ELK3: variants seen among roughly 807,000 people sequenced by gnomAD.
The protein encoded by ELK3 is ETS domain-containing protein Elk-3.
A neutral mutation model predicts 28.9 loss-of-function variants in ELK3; 10 were observed. The ratio of observed to expected loss-of-function variants is 0.35; its 90% CI spans 0.21 to 0.59. ELK3 has a LOEUF of 0.59. Among genes scored for constraint, ELK3 ranks in the 20% least tolerant of loss-of-function variants. The pLI, the probability that ELK3 is intolerant of heterozygous loss-of-function variation, is 0.82. For missense variants in ELK3, 463 were observed against 517.3 expected, an observed-to-expected ratio of 0.90 and a Z score of 1.02; for synonymous variants, 272 against 243.5, an observed-to-expected ratio of 1.12 and a Z score of -1.09.
chr12:96,249,185 CA>C (rs1339507200), intron 3 of ELK3, among the ~76,000 whole-genome samples: 1 of 152,170 alleles, frequency 6.6e-6, no homozygotes, highest in Non-Finnish European at 1.5e-5. Context: ...GCTTTGGATC[CA>C]GTGTCTGCCT....
rs1259141609 is a variant in ELK3, at chr12:96,268,338, C to T, written c.*1158C>T. ...AGAGGATACACTGCTTTATGTATTACTAAAGTTAGGGGAGAATGAAGGAAA... is the reference window on the plus strand; with the variant it reads ...AGAGGATACACTGCTTTATGTATTATTAAAGTTAGGGGAGAATGAAGGAAA... On this transcript the variant is annotated 3_prime_UTR_variant, in exon 5 of 5. Coordinates refer to ENST00000228741, the MANE Select transcript of ELK3 (RefSeq NM_005230.4). 2 of 152,134 alleles carry T rather than the reference C, an allele frequency of 1.3e-5. No individual in the cohort carries two copies. The highest frequency in any genetic ancestry group is 4.8e-5 in the African/African-American group (2 of 41,420). The allele number at this position is 152,134 out of a possible 1,614,324, so 9.4% of individuals were successfully genotyped here.
intron 4 of ELK3, among the ~76,000 whole-genome samples, chr12:96,262,288 C>T (rs988186237): frequency 3.2e-4 from 49 of 152,046 alleles, no homozygotes; most frequent in African/African-American, 1.1e-3. Flanking sequence ...CAAATTGCTG[C>T]GATTACAGGT....
chr12:96,251,232 T>A (rs530619321), intron 3 of ELK3, among the ~76,000 whole-genome samples: 13 of 152,276 alleles, frequency 8.5e-5, no homozygotes, highest in Non-Finnish European at 1.6e-4. Context: ...TGTCATTGTT[T>A]TGGGGCACCA....
intron 1 of ELK3, among the ~76,000 whole-genome samples, chr12:96,216,214 C>G (rs1951617051): frequency 2.0e-5 from 3 of 152,150 alleles, no homozygotes; most frequent in Admixed American, 2.0e-4. Context: ...GACCCAACAG[C>G]TCTCATGTAC....
chr12:96,269,032 A>AG lies in ELK3; in HGVS notation c.*1856dup, dbSNP rs1371743470. On this transcript the variant is annotated 3_prime_UTR_variant, in exon 5 of 5. Transcript: ENST00000228741. ...CTGAACATACAAAGTTAGTGCTAGA[A>AG]GGGGCCTTTGAGAATGCTTCCCGCC... The AG allele has an allele frequency of 1.3e-5, 2 of 152,110 alleles. No homozygotes were observed. Among genetic ancestry groups the AG allele is most frequent in the East Asian group, 1.9e-4 (1 of 5,168 alleles). 9.4% of individuals were successfully genotyped at this position (152,110 alleles called of 1,614,324 possible).
At position 96,247,715 on chromosome 12, in the gene ELK3, C is replaced by A; in HGVS notation, c.983C>A (p.Pro328Gln). 6.3e-7 allele frequency: 1 copy of A among 1,588,718 alleles called. No individual in the cohort carries two copies. Among genetic ancestry groups the A allele is most frequent in the East Asian group, 2.3e-5 (1 of 43,508 alleles). ...SPALPSGSLT[P>Q]AFFTAQTPNG... ...GCCCTCCCCTCGGGATCCCTCACCC[C>A]AGCCTTCTTCACCGCACAGGTAAGA... is the stretch of plus-strand genomic sequence containing the variant. The change falls in exon 3 of 5, where the codon CCA (proline) becomes CAA (glutamine). Residue 328 changes from proline to glutamine, a missense_variant. Physicochemically the swap from Pro to Gln is moderately conservative, Grantham distance 76. Around this residue, in one of 2 missense-constraint regions of ELK3, gnomAD observed 408 missense variants for 414.8 expected, o/e 0.98. Transcript: ENST00000228741. The surrounding 1 kb of genome is among the most constrained non-coding windows in gnomAD (Gnocchi z 5.5).
chr12:96,251,780 GA>G (rs1785450890), intron 3 of ELK3, among the ~76,000 whole-genome samples: 1 of 152,230 alleles, frequency 6.6e-6, no homozygotes. Context: ...AGAAGCTGCA[GA>G]AGAAAAGTGT....
At chr12:96,249,007 C>T (rs1467800363) in intron 3 of ELK3, among the ~76,000 whole-genome samples, 1 of 152,192 alleles carries the variant, frequency 6.6e-6, no homozygotes, top group Non-Finnish European at 1.5e-5. Flanking sequence ...AGTGTCATGT[C>T]AGGACTCAGA....
chr12:96,248,931 T>C (rs1195031352), intron 3 of ELK3, among the ~76,000 whole-genome samples: 1 of 152,222 alleles, frequency 6.6e-6, no homozygotes, highest in Non-Finnish European at 1.5e-5. Context: ...TGCATGATAC[T>C]TGCCAGTTGA....
At chr12:96,208,169 A>AG (rs1414791512) in intron 1 of ELK3, among the ~76,000 whole-genome samples, 2 of 152,140 alleles carry the variant, frequency 1.3e-5, no homozygotes, top group African/African-American at 4.8e-5. Context: ...CTCCTGCCTC[A>AG]GCCTCCTGAG....
chr12:96,241,588 C>T (rs904035478), intron 2 of ELK3, among the ~76,000 whole-genome samples: 1 of 152,086 alleles, frequency 6.6e-6, no homozygotes, highest in Non-Finnish European at 1.5e-5. Context: ...ATTTTCTATG[C>T]AGTTAAAGTG....
At chr12:96,230,508 C>T (rs954251406) in intron 2 of ELK3, among the ~76,000 whole-genome samples, 16 of 152,140 alleles carry the variant, frequency 1.1e-4, no homozygotes, top group Non-Finnish European at 2.2e-4. Flanking sequence ...CTAGATTCTG[C>T]AGCAGGTATA....
chr12:96,247,591 C>T lies in ELK3; in HGVS notation c.859C>T (p.Leu287Phe). The stretch of plus-strand genomic sequence containing the variant: ...GGGCTCCAAGACCAAGTCTCCATCT[C>T]TTCCCCCAAAGGCCAAAAAACCCAA... ...SSGSKTKSPS[L>F]PPKAKKPKGL... Residue 287 changes from leucine to phenylalanine, a missense_variant, in exon 3 of 5, where the codon CTT becomes TTT. Leu to Phe is a conservative substitution (Grantham distance 22). Coordinates refer to ENST00000228741, the MANE Select transcript of ELK3 (RefSeq NM_005230.4). This position sits in a 1 kb window ranked among gnomAD's most constrained non-coding sequence, Gnocchi z 5.5. 1 of 1,614,028 alleles carries T rather than the reference C, an allele frequency of 6.2e-7. No individual in the cohort carries two copies. Among genetic ancestry groups the T allele is most frequent in the Middle Eastern group, 1.6e-4 (1 of 6,062 alleles).
chr12:96,232,399 G>A (rs1951748264), intron 2 of ELK3, among the ~76,000 whole-genome samples: 3 of 151,692 alleles, frequency 2.0e-5, no homozygotes, highest in Admixed American at 6.6e-5. Context: ...TGAAAACCCC[G>A]TCTCTACTAA....
At chr12:96,196,182 T>C (rs1401812691) in intron 1 of ELK3, among the ~76,000 whole-genome samples, 1 of 152,204 alleles carries the variant, frequency 6.6e-6, no homozygotes, top group African/African-American at 2.4e-5. Flanking sequence ...GTGCAGCCAC[T>C]GTCAGCCTGG....
chr12:96,211,597 C>T (rs1592671913), intron 1 of ELK3, among the ~76,000 whole-genome samples: 2 of 151,860 alleles, frequency 1.3e-5, no homozygotes, highest in Non-Finnish European at 2.9e-5. Context: ...TAGTTTTGAT[C>T]TCTAAAAAGA....
intron 1 of ELK3, among the ~76,000 whole-genome samples, chr12:96,217,381 AT>A (rs1361043801): frequency 6.6e-6 from 1 of 152,256 alleles, no homozygotes; most frequent in Non-Finnish European, 1.5e-5. Flanking sequence ...TGATCATGAA[AT>A]AATTCTCGTC....
chr12:96,262,208 G>A (rs1220426110), intron 4 of ELK3, among the ~76,000 whole-genome samples: 2 of 151,986 alleles, frequency 1.3e-5, no homozygotes, highest in African/African-American at 2.4e-5. Flanking sequence ...TAGTAGAGAT[G>A]GAGTTTTGCC....
chr12:96,238,260 A>G (rs1220431633), intron 2 of ELK3, among the ~76,000 whole-genome samples: 1 of 152,248 alleles, frequency 6.6e-6, no homozygotes, highest in African/African-American at 2.4e-5. Flanking sequence ...TGAGTGAGGC[A>G]CTGACTGCGT....
Sources: gnomAD v4.1 joint callset for allele counts (sites outside exome capture counted in the v4.1 genomes callset) on GRCh38, gnomAD v4.1.1 for gene constraint, gnomAD v4.1.1 regional missense constraint, Gnocchi (gnomAD v3.1) non-coding constraint, MANE v1.5 for transcripts, NCBI Gene and HGNC (gene_info 2026-07-23, HGNC 2026-07-21) for gene names.